The following ARHGAP6 variants were observed in gnomAD, a reference collection of about 807,000 sequenced individuals.
ARHGAP6 encodes the protein rho GTPase-activating protein 6.
In ARHGAP6, 16 loss-of-function variants were observed where a neutral mutation model predicts 55.7. The observed-to-expected ratio is 0.29, with a 90% CI of 0.19 to 0.44. ARHGAP6 has a LOEUF of 0.44. Among genes scored for constraint, ARHGAP6 ranks in the 20% least tolerant of loss-of-function variants. The pLI is 1.00. For synonymous variants in ARHGAP6, 382 were observed against 360.9 expected (o/e 1.06, Z -0.66); for missense variants, 698 against 808.9 (o/e 0.86, Z 1.66).
intron 1 of ARHGAP6, among the ~76,000 whole-genome samples, chrX:11,322,981 T>C (rs1337602680): frequency 8.9e-6 from 1 of 112,232 alleles, no homozygotes. Flanking sequence ...GAATAGAAGC[T>C]CCAAGTAATA....
chrX:11,254,947 G>C (rs1243798456), intron 1 of ARHGAP6, among the ~76,000 whole-genome samples: 3 of 110,696 alleles, frequency 2.7e-5, no homozygotes, highest in African/African-American at 9.9e-5. Context: ...TATGCATATA[G>C]GCCTGAGGAA....
rs772899014 is a variant in ARHGAP6, at chrX:11,395,462, T to G, written c.589-140755A>C. Among the ~76,000 whole-genome samples, 6 of 112,312 alleles carry G rather than the reference T, an allele frequency of 5.3e-5. No individual in the cohort carries two copies. In the East Asian group the frequency reaches 1.7e-3, roughly 31 times the overall value. On this transcript the variant is annotated intron_variant, in intron 1 of 12. Transcript: ENST00000337414. Reference sequence around the variant, plus strand: ...CTGGTTCTCTGGAGGAAAGCTCTGATTTGCGCCATTTGTTAATTTCCATAA... The same window carrying G: ...CTGGTTCTCTGGAGGAAAGCTCTGAGTTGCGCCATTTGTTAATTTCCATAA...
chrX:11,148,653 G>C (rs761829785), intron 10 of ARHGAP6: 3 of 374,919 alleles, frequency 8.0e-6, no homozygotes, highest in Non-Finnish European at 1.6e-5. Context: ...CTCCAGGTCA[G>C]GGCGTAAACA....
At chrX:11,272,499 T>C (rs2147517077) in intron 1 of ARHGAP6, among the ~76,000 whole-genome samples, 1 of 110,319 alleles carries the variant, frequency 9.1e-6, no homozygotes, top group South Asian at 4.0e-4. Flanking sequence ...CACTCCTCAT[T>C]TCTTGCACCC....
chrX:11,349,694 G>C (rs768119927), intron 1 of ARHGAP6, among the ~76,000 whole-genome samples: 19 of 112,076 alleles, frequency 1.7e-4, no homozygotes, highest in Non-Finnish European at 3.6e-4. Flanking sequence ...GAAAAACTAA[G>C]GTAAGGAGAC....
chrX:11,654,724 G>T (rs1021408890), intron 1 of ARHGAP6, among the ~76,000 whole-genome samples: 1 of 111,300 alleles, frequency 9.0e-6, no homozygotes, highest in Non-Finnish European at 1.9e-5. Context: ...GCTGGCTGCC[G>T]ACGACTCTGT....
At chrX:11,370,540 T>C (rs939003677) in intron 1 of ARHGAP6, among the ~76,000 whole-genome samples, 5 of 111,811 alleles carry the variant, frequency 4.5e-5, no homozygotes, top group African/African-American at 1.6e-4. Flanking sequence ...ATAAAAGTGA[T>C]ATCAGAAACT....
At chrX:11,404,636 A>G (rs1279778037) in intron 1 of ARHGAP6, among the ~76,000 whole-genome samples, 2 of 111,687 alleles carry the variant, frequency 1.8e-5, no homozygotes, top group African/African-American at 3.3e-5. Flanking sequence ...ATGTTTTTCT[A>G]ATCTAGAGCT....
At chrX:11,531,673 T>G (rs2051051309) in intron 1 of ARHGAP6, among the ~76,000 whole-genome samples, 1 of 111,565 alleles carries the variant, frequency 9.0e-6, no homozygotes, top group Admixed American at 9.6e-5. Context: ...TGTTTGCAAG[T>G]TGTTGCTTTA....
At chrX:11,328,860 A>G (rs2048529325) in intron 1 of ARHGAP6, among the ~76,000 whole-genome samples, 1 of 112,329 alleles carries the variant, frequency 8.9e-6, no homozygotes, top group African/African-American at 3.2e-5. Flanking sequence ...TCTAATTTCA[A>G]TTTAATTTTC....
chrX:11,139,662 G>A, intron 12 of ARHGAP6, 132 bp from the exon 13 acceptor site: 1 of 627,847 alleles, frequency 1.6e-6, no homozygotes, highest in Non-Finnish European at 2.2e-6. Context: ...AGCACAGTAT[G>A]CTCTTAGCTG....
At chrX:11,447,630 C>T (rs1265345172) in intron 1 of ARHGAP6, among the ~76,000 whole-genome samples, 1 of 112,014 alleles carries the variant, frequency 8.9e-6, no homozygotes, top group African/African-American at 3.3e-5. Flanking sequence ...GTTTGCTGGC[C>T]CCTGCCTTAG....
intron 1 of ARHGAP6, among the ~76,000 whole-genome samples, chrX:11,571,841 T>A (rs1223351759): frequency 9.1e-6 from 1 of 109,555 alleles, no homozygotes; most frequent in Non-Finnish European, 1.9e-5. Flanking sequence ...TGAGCCGTGA[T>A]TGCATCACTG....
At chrX:11,273,155 C>T (rs1479650284) in intron 1 of ARHGAP6, among the ~76,000 whole-genome samples, 2 of 110,112 alleles carry the variant, frequency 1.8e-5, no homozygotes, top group African/African-American at 3.3e-5. Context: ...AAGCAAATAG[C>T]GGGGCCAACT....
chrX:11,376,341 C>A (rs1485270739), intron 1 of ARHGAP6, among the ~76,000 whole-genome samples: 2 of 112,712 alleles, frequency 1.8e-5, no homozygotes. Flanking sequence ...AATCTAATCC[C>A]ATGAACCTTT....
At chrX:11,594,669 C>A (rs965086166) in intron 1 of ARHGAP6, among the ~76,000 whole-genome samples, 19 of 111,427 alleles carry the variant, frequency 1.7e-4, no homozygotes, top group African/African-American at 5.9e-4. Context: ...GAATCTAATG[C>A]CTGATGATTT....
chrX:11,558,653 T>A (rs2051347248), intron 1 of ARHGAP6, among the ~76,000 whole-genome samples: 1 of 107,775 alleles, frequency 9.3e-6, no homozygotes, highest in South Asian at 4.2e-4. Flanking sequence ...CTGGCCAACA[T>A]GGTGAAACCC....
At chrX:11,498,659 G>C (rs2050647065) in intron 1 of ARHGAP6, among the ~76,000 whole-genome samples, 1 of 111,692 alleles carries the variant, frequency 9.0e-6, no homozygotes, top group Non-Finnish European at 1.9e-5. Context: ...TTTAATCAAA[G>C]TGGGGTAACA....
chrX:11,173,771 T>A (rs932605508), intron 8 of ARHGAP6, among the ~76,000 whole-genome samples: 1 of 111,773 alleles, frequency 8.9e-6, no homozygotes, highest in Non-Finnish European at 1.9e-5. Context: ...TAAGCACATA[T>A]CAAAGAGAAA....
Sources: allele counts gnomAD v4.1 joint callset (sites outside exome capture counted in the v4.1 genomes callset), GRCh38; gene constraint gnomAD v4.1.1; transcripts MANE v1.5; gene names NCBI Gene and HGNC (gene_info 2026-07-23, HGNC 2026-07-21).